Variants in AP4E1 observed in about 807,000 individuals in gnomAD.
The protein encoded by AP4E1 is adaptor related protein complex 4 subunit epsilon 1, also known as AP-4 complex subunit epsilon-1.
In AP4E1, 56 loss-of-function variants were observed where a neutral mutation model predicts 128.2. The observed-to-expected ratio is 0.44, with a 90% confidence interval of 0.35 to 0.55. AP4E1 has a LOEUF of 0.55. AP4E1 is among the 20% of genes least tolerant of loss of function. AP4E1 has a pLI of 0.00. For synonymous variants in AP4E1, 484 were observed against 473.1 expected (o/e 1.02, Z -0.30); for missense variants, 1,324 against 1,307.7 (o/e 1.01, Z -0.19).
At chr15:50,911,129 G>C (rs2063562195) in intron 1 of AP4E1, among the ~76,000 whole-genome samples, 1 of 152,288 alleles carries the variant, frequency 6.6e-6, no homozygotes, top group East Asian at 1.9e-4. Flanking sequence ...CTTTTGAATA[G>C]CCATCTGATG....
At chr15:50,980,551 G>GT (rs2064629822) in intron 15 of AP4E1, among the ~76,000 whole-genome samples, 2 of 152,200 alleles carry the variant, frequency 1.3e-5, no homozygotes, top group Admixed American at 1.3e-4. Flanking sequence ...ATCTGGTCAA[G>GT]TGACTGTCTG....
rs531418362 is a variant in AP4E1, at chr15:50,916,985, A to G, written c.346+1414A>G. Among the ~76,000 whole-genome samples, 19 of 152,284 alleles carry G rather than the reference A, an allele frequency of 1.2e-4. No homozygotes were observed. The East Asian group carries it at 3.5e-3, about 28-fold the overall frequency. On this transcript the variant is annotated intron_variant, in intron 3 of 20. Transcript: ENST00000261842. The stretch of plus-strand genomic sequence containing the variant: ...GATTTTTCTTAAATATTATACAAAT[A>G]TGGAATGTAAGCTCTTCCAGTCATA...
Position 51,001,192 on chromosome 15 carries a change from A to G in AP4E1, c.3253+9A>G. On this transcript the variant is annotated intron_variant, in intron 20 of 20. Transcript: ENST00000261842. ...TATTATTGAGATTATAGGTTTGTAGAGTTATAAAAAGGCTATTCTGTGTTT... is the reference window on the plus strand; with the variant it reads ...TATTATTGAGATTATAGGTTTGTAGGGTTATAAAAAGGCTATTCTGTGTTT... The G allele has an allele frequency of 6.2e-7, 1 of 1,611,620 alleles. No individual in the cohort carries two copies.
chr15:50,963,794 T>G (rs2064349615), intron 14 of AP4E1, among the ~76,000 whole-genome samples: 1 of 152,256 alleles, frequency 6.6e-6, no homozygotes, highest in Non-Finnish European at 1.5e-5. Flanking sequence ...ACACATTCTA[T>G]GCATGTATCA....
chr15:50,964,107 C>T (rs937354908), intron 14 of AP4E1, among the ~76,000 whole-genome samples: 1 of 152,198 alleles, frequency 6.6e-6, no homozygotes, highest in Admixed American at 6.5e-5. Context: ...TGTGCCTTCA[C>T]CCATTTTGTC....
At chr15:50,997,174 T>A in intron 17 of AP4E1, 152 bp from the exon 18 acceptor site, 1 of 654,106 alleles carries the variant, frequency 1.5e-6, no homozygotes, top group Middle Eastern at 4.3e-4. Flanking sequence ...GGGCTTAACA[T>A]GTTATTTATC....
upstream of AP4E1, chr15:50,908,450 G>A: frequency 4.0e-6 from 1 of 247,474 alleles, no homozygotes; most frequent in Non-Finnish European, 7.6e-6. Context: ...CTGGGAGACA[G>A]TGCCTAACAG....
chr15:50,919,744 T>C (rs2063673358), intron 3 of AP4E1, among the ~76,000 whole-genome samples: 1 of 151,912 alleles, frequency 6.6e-6, no homozygotes, highest in South Asian at 2.1e-4. Context: ...ATCAGATGTT[T>C]TTAATGTATA....
In AP4E1 at chr15:51,002,854, T is replaced by A; in HGVS notation, c.*192T>A. ...TGTATCCCTAACCTTTAACTCAGGA[T>A]TGTACAGTATGTTTAGGTCCCTCAA... On this transcript the variant is annotated 3_prime_UTR_variant, in exon 21 of 21. Coordinates refer to ENST00000261842, the MANE Select transcript of AP4E1 (RefSeq NM_007347.5). The A allele has an allele frequency of 1.5e-6, 1 of 673,800 alleles. No individual in the cohort carries two copies. The highest frequency in any genetic ancestry group is 3.0e-5 in the East Asian group (1 of 33,890). 41.7% of individuals were successfully genotyped at this position (673,800 alleles called of 1,614,324 possible).
rs184635811 is a variant in AP4E1 at position 50,966,976 on chromosome 15, C to G, written c.1852-1287C>G. ...ATCAGGAGAGGCAAGTCTTTGGTTT[C>G]TGAGGTCATCACTGCTCTCTCCACT... is the stretch of plus-strand genomic sequence containing the variant. On this transcript the variant is annotated intron_variant, in intron 14 of 20. Transcript: ENST00000261842. Among the ~76,000 whole-genome samples the G allele has an allele frequency of 7.2e-4, 110 of 152,318 alleles. 1 individual carries two copies. Among genetic ancestry groups the G allele is most frequent in the Middle Eastern group, 6.8e-3 (2 of 294 alleles).
rs888584883 is a variant in AP4E1, at chr15:51,004,385, G to A, written c.*1723G>A. On this transcript the variant is annotated 3_prime_UTR_variant, in exon 21 of 21. Transcript: ENST00000261842. ...CACAAAGGAGGTGCTCCAATTTTTT[G>A]TGTCCTTACTTCCCTATGTTTGCCT... The A allele has an allele frequency of 6.6e-6, 1 of 152,226 alleles. No homozygotes were observed. Among genetic ancestry groups the A allele is most frequent in the African/African-American group, 2.4e-5 (1 of 41,450 alleles). 9.4% of individuals were successfully genotyped at this position (152,226 alleles called of 1,614,324 possible). A position where few individuals can be genotyped will look rare whatever the true frequency, so the allele number is the denominator to read the frequency against.
Position 50,948,133 on chromosome 15 carries a change from C to T in AP4E1, c.1290C>T (p.Val430=), listed in dbSNP as rs767875770. The change falls in exon 11 of 21, where the codon GTC becomes GTT. Residue 430 remains valine, a synonymous_variant. Transcript: ENST00000261842. ...SKEEYVIVNL[V]GKIAELAEKY... ...AAGAGTATGTCATCGTCAATTTGGT[C>T]GGCAAAATAGCAGAGCTGGCTGAGA... 41 of 1,613,720 alleles carry T rather than the reference C, an allele frequency of 2.5e-5. No individual in the cohort carries two copies. The highest frequency in any genetic ancestry group is 3.3e-4 in the Middle Eastern group (2 of 6,080).
chr15:50,932,160 A>G (rs900719142), intron 7 of AP4E1, among the ~76,000 whole-genome samples: 5 of 151,968 alleles, frequency 3.3e-5, no homozygotes, highest in Non-Finnish European at 7.4e-5. Flanking sequence ...TTGTATTTTT[A>G]GTAGAAATGG....
At position 51,005,613 on chromosome 15, in the gene AP4E1, G is replaced by C. The variant is rs2065009560; in HGVS notation, c.*2951G>C. The C allele has an allele frequency of 6.6e-6, 1 of 152,528 alleles. No homozygotes were observed. The highest frequency in any genetic ancestry group is 2.1e-4 in the South Asian group (1 of 4,832). The allele number at this position is 152,528 out of a possible 1,614,324, so 9.4% of individuals were successfully genotyped here. On this transcript the variant is annotated 3_prime_UTR_variant, in exon 21 of 21. Transcript: ENST00000261842. ...ATCTACCAAAATAATTGTGGTAAAA[G>C]TGTAGTATTTTATTTTTTCCTTTTA...
At chr15:50,985,714 T>C (rs1054262633) in intron 16 of AP4E1, among the ~76,000 whole-genome samples, 6 of 152,264 alleles carry the variant, frequency 3.9e-5, no homozygotes, top group African/African-American at 7.2e-5. Context: ...GTTACTGTAG[T>C]CTTGTAGTGT....
At chr15:50,984,721 G>A (rs1185895917) in intron 16 of AP4E1, among the ~76,000 whole-genome samples, 1 of 152,042 alleles carries the variant, frequency 6.6e-6, no homozygotes, top group Non-Finnish European at 1.5e-5. Flanking sequence ...TGGACATTTG[G>A]GTTGGTTCCA....
intron 2 of AP4E1, among the ~76,000 whole-genome samples, chr15:50,913,875 G>T (rs534301410): frequency 7.9e-5 from 12 of 152,238 alleles, no homozygotes; most frequent in African/African-American, 2.9e-4. Context: ...GTGCAACTGC[G>T]TGATCTTGGC....
At chr15:50,921,512 C>T (rs1208150815) in intron 3 of AP4E1, among the ~76,000 whole-genome samples, 1 of 151,804 alleles carries the variant, frequency 6.6e-6, no homozygotes, top group Non-Finnish European at 1.5e-5. Flanking sequence ...CCACGTCTGT[C>T]TAATTTTTGT....
chr15:50,915,731 A>G, intron 3 of AP4E1, 160 bp downstream of exon 3: 2 of 889,426 alleles, frequency 2.2e-6, no homozygotes, highest in South Asian at 3.5e-5. Flanking sequence ...AAAGCCATTT[A>G]TAGGAAATCA....
Sources: allele counts gnomAD v4.1 joint callset (sites outside exome capture counted in the v4.1 genomes callset), GRCh38; gene constraint gnomAD v4.1.1; transcripts MANE v1.5; gene names NCBI Gene and HGNC (gene_info 2026-07-23, HGNC 2026-07-21).